Variants in GIMAP2 observed in about 807,000 individuals in gnomAD.
GIMAP2 encodes GTPase IMAP family member 2.
GIMAP2 carries 22 observed loss-of-function variants against 25.5 expected under a neutral mutation model. The ratio of observed to expected loss-of-function variants is 0.86; its 90% CI spans 0.62 to 1.23. The LOEUF (loss-of-function observed/expected upper bound fraction) is 1.23. Among genes scored for constraint, GIMAP2 ranks in the 50% most tolerant of loss-of-function variants. The pLI, the probability that GIMAP2 is intolerant of heterozygous loss-of-function variation, is 0.00. For missense variants in GIMAP2, 422 were observed against 395.7 expected, an observed-to-expected ratio of 1.07 and a Z score of -0.56; for synonymous variants, 167 against 143.0, an observed-to-expected ratio of 1.17 and a Z score of -1.20.
At chr7:150,686,067 G>C (rs77675012) in intron 1 of GIMAP2, among the ~76,000 whole-genome samples, 1 of 152,156 alleles carries the variant, frequency 6.6e-6, no homozygotes, top group African/African-American at 2.4e-5. Context: ...GTGCTTGTAC[G>C]CTTGGTCTAT....
Position 150,692,808 on chromosome 7 carries a change from A to G in GIMAP2, c.522A>G (p.Ala174=), listed in dbSNP as rs779995737. The G allele has an allele frequency of 1.9e-6, 3 of 1,614,236 alleles. No individual in the cohort carries two copies. Among genetic ancestry groups the G allele is most frequent in the South Asian group, 2.2e-5 (2 of 91,092 alleles). ...DNKALSKLVA[A]CGGRICAFNN... is the part of the protein sequence containing the mutation. ...AAGCCCTAAGCAAGCTGGTGGCAGCATGTGGTGGGCGAATCTGTGCCTTTA... is the reference window on the plus strand; with the variant it reads ...AAGCCCTAAGCAAGCTGGTGGCAGCGTGTGGTGGGCGAATCTGTGCCTTTA... The change falls in exon 3 of 3, where the codon GCA becomes GCG. Residue 174 remains alanine (A), a synonymous_variant. Coordinates refer to ENST00000223293, the MANE Select transcript of GIMAP2 (RefSeq NM_015660.3).
intron 2 of GIMAP2, among the ~76,000 whole-genome samples, chr7:150,687,671 C>A (rs1020643331): frequency 6.6e-6 from 1 of 151,884 alleles, no homozygotes; most frequent in Non-Finnish European, 1.5e-5. Context: ...ACTCCTTCTC[C>A]TACCATTCAG....
In GIMAP2 at chr7:150,689,340, G is replaced by A. The variant is rs1023541810; in HGVS notation, c.28+2253G>A. On this transcript the variant is annotated intron_variant, in intron 2 of 2. Transcript: ENST00000223293. ...CCAATATTTATGAGTGGATGATTTA[G>A]AGACCCTCTCACTTGGCTTTGGATG... The A allele has an allele frequency of 5.7e-6, 3 of 523,928 alleles. No individual in the cohort carries two copies. The East Asian group carries it at 8.9e-5, about 15-fold the overall frequency. The allele number at this position is 523,928 out of a possible 1,614,324, so 32.5% of individuals were successfully genotyped here.
In GIMAP2 at chr7:150,693,338, G is replaced by A. The variant is rs534930765; in HGVS notation, c.*38G>A. ...GTTATTATTTACTCACTATCATTTA[G>A]TGGGTGAATCACAGTAATTTCCCTG... On this transcript the variant is annotated 3_prime_UTR_variant, in exon 3 of 3. Coordinates refer to ENST00000223293, the MANE Select transcript of GIMAP2 (RefSeq NM_015660.3). 1 of 1,363,790 alleles carries A rather than the reference G, an allele frequency of 7.3e-7. No homozygotes were observed. Among genetic ancestry groups the A allele is most frequent in the South Asian group, 1.4e-5 (1 of 71,486 alleles). 84.5% of individuals were successfully genotyped at this position (1,363,790 alleles called of 1,614,324 possible).
At chr7:150,687,262 C>CTTTGTTTGTTTGTTTGTTTGTTTG (rs146938233) in intron 2 of GIMAP2, 175 bp downstream of exon 2, 10 of 554,564 alleles carry the variant, frequency 1.8e-5, no homozygotes, top group East Asian at 9.0e-5. Flanking sequence ...GTTTTGTTTT[C>CTTTGTTTGTTTGTTTGTTTGTTTG]TTTGTTTGTT....
At chr7:150,689,684 G>T (rs899305299) in intron 2 of GIMAP2, 4 of 583,212 alleles carry the variant, frequency 6.9e-6, no homozygotes, top group African/African-American at 3.7e-5. Flanking sequence ...AAGATTAAAT[G>T]TCCATAAATT....
chr7:150,686,384 CT>C (rs1796900531), intron 1 of GIMAP2, among the ~76,000 whole-genome samples: 1 of 151,996 alleles, frequency 6.6e-6, no homozygotes, highest in African/African-American at 2.4e-5. Flanking sequence ...AGGACTGAGC[CT>C]AAGGTGTAAG....
At position 150,692,850 on chromosome 7, in the gene GIMAP2, G is replaced by T. The variant is rs1796985149; in HGVS notation, c.564G>T (p.Gly188=). 3 of 1,614,212 alleles carry T rather than the reference G, an allele frequency of 1.9e-6. No individual in the cohort carries two copies. In the Admixed American group the frequency reaches 5.0e-5, roughly 27 times the overall value. ...RICAFNNRAE[G]SNQDDQVKEL... ...GTGCCTTTAATAACCGTGCTGAAGG[G>T]AGCAATCAGGATGACCAAGTGAAGG... Residue 188 remains glycine (G), a synonymous_variant, in exon 3 of 3, where the codon GGG becomes GGT. Coordinates refer to ENST00000223293, the MANE Select transcript of GIMAP2 (RefSeq NM_015660.3).
In GIMAP2 at chr7:150,692,522, C is replaced by T. The variant is rs76850019; in HGVS notation, c.236C>T (p.Pro79Leu). 1,649 of 1,614,000 alleles carry T rather than the reference C, an allele frequency of 1.0e-3. 18 individuals are homozygous for T. The African/African-American group carries it at 0.02, about 19-fold the overall frequency. ...GNREIVIIDT[P>L]DMFSWKDHCE... ...AGAGAGATTGTCATTATTGACACAC[C>T]AGATATGTTTTCTTGGAAGGACCAC... The change falls in exon 3 of 3, where the codon CCA (proline) becomes CTA (leucine). Residue 79 changes from proline to leucine, a missense_variant. Coordinates refer to ENST00000223293, the MANE Select transcript of GIMAP2 (RefSeq NM_015660.3).
In GIMAP2 at chr7:150,693,361, CT is replaced by C; in HGVS notation, c.*62del. ...TAGTGGGTGAATCACAGTAATTTCC[CT>C]GTAAAATGTGGTACCTGAAGTCATA... is the stretch of plus-strand genomic sequence containing the variant. On this transcript the variant is annotated 3_prime_UTR_variant, in exon 3 of 3. Transcript: ENST00000223293. The C allele has an allele frequency of 1.8e-6, 2 of 1,135,158 alleles. No individual in the cohort carries two copies. Among genetic ancestry groups the C allele is most frequent in the Non-Finnish European group, 2.5e-6 (2 of 809,270 alleles). 70.3% of individuals were successfully genotyped at this position (1,135,158 alleles called of 1,614,324 possible). A position where few individuals can be genotyped will look rare whatever the true frequency, so the allele number is the denominator to read the frequency against.
Position 150,693,120 on chromosome 7 carries a change from G to A in GIMAP2, c.834G>A (p.Gln278=), listed in dbSNP as rs930155193. 1.2e-6 allele frequency: 2 copies of A among 1,613,790 alleles called. No individual in the cohort carries two copies. Among genetic ancestry groups the A allele is most frequent in the South Asian group, 1.1e-5 (1 of 91,062 alleles). The change falls in exon 3 of 3, where the codon CAG becomes CAA. Residue 278 remains glutamine (Q), a synonymous_variant. Coordinates refer to ENST00000223293, the MANE Select transcript of GIMAP2 (RefSeq NM_015660.3). ...KTQLCVLFCI[Q]LFLRLIILWL... ...AACTGTGTGTTTTATTTTGTATTCA[G>A]TTGTTTCTCAGATTGATAATTCTGT...
intron 1 of GIMAP2, 32 bp downstream of exon 1, chr7:150,685,817 G>A (rs1796894556): frequency 3.6e-6 from 3 of 828,682 alleles, no homozygotes; most frequent in African/African-American, 1.8e-5. Context: ...GTTCTGCAGT[G>A]TTGATTTCTA....
At chr7:150,689,040 G>A (rs1796936711) in intron 2 of GIMAP2, among the ~76,000 whole-genome samples, 1 of 152,142 alleles carries the variant, frequency 6.6e-6, no homozygotes, top group Admixed American at 6.5e-5. Flanking sequence ...TCTGTCCATG[G>A]GAAACCCCCT....
chr7:150,690,450 G>A (rs1796954805), intron 2 of GIMAP2, among the ~76,000 whole-genome samples: 1 of 152,168 alleles, frequency 6.6e-6, no homozygotes, highest in Admixed American at 6.5e-5. Flanking sequence ...CAAGACCACT[G>A]GTGGGCATTG....
Position 150,692,974 on chromosome 7 carries a change from G to C in GIMAP2, c.688G>C (p.Val230Leu). The change falls in exon 3 of 3, where the codon GTG becomes CTG. Residue 230 changes from valine (V) to leucine (L), a missense_variant. Transcript: ENST00000223293. ...AATACAGAGGTCTAAATGTGGACCT[G>C]TGGGATCAGATGAAAGAGTAAAGGA... ...SLIQRSKCGP[V>L]GSDERVKEFK... The C allele has an allele frequency of 6.2e-7, 1 of 1,613,650 alleles. No individual in the cohort carries two copies.
chr7:150,689,740 A>G, intron 2 of GIMAP2: 1 of 556,540 alleles, frequency 1.8e-6, no homozygotes, highest in Admixed American at 2.9e-5. Context: ...ATGTGCAACA[A>G]GTGTTGGCGT....
chr7:150,692,495 A>G lies in GIMAP2; in HGVS notation c.209A>G (p.Asn70Ser). The change falls in exon 3 of 3, where the codon AAT becomes AGT. Residue 70 changes from asparagine (N) to serine (S), a missense_variant. Coordinates refer to ENST00000223293, the MANE Select transcript of GIMAP2 (RefSeq NM_015660.3). The stretch of plus-strand genomic sequence containing the variant: ...AGCAAAAGTCAGGGAAGCTGGGGAA[A>G]TAGAGAGATTGTCATTATTGACACA... ...TCSKSQGSWG[N>S]REIVIIDTPD... 1 of 1,614,190 alleles carries G rather than the reference A, an allele frequency of 6.2e-7. No homozygotes were observed. The highest frequency in any genetic ancestry group is 8.5e-7 in the Non-Finnish European group (1 of 1,180,006).
chr7:150,689,702 A>G (rs1476602926), intron 2 of GIMAP2: 3 of 586,896 alleles, frequency 5.1e-6, no homozygotes, highest in South Asian at 4.2e-5. Context: ...ATTTTGGCCA[A>G]TTTGTCTGGA....
intron 2 of GIMAP2, among the ~76,000 whole-genome samples, chr7:150,691,904 C>T (rs532487131): frequency 5.3e-5 from 8 of 152,322 alleles, no homozygotes; most frequent in African/African-American, 1.7e-4. Flanking sequence ...TATCTTTTTA[C>T]ATAACGGGGA....
Sources: gnomAD v4.1 joint callset for allele counts (sites outside exome capture counted in the v4.1 genomes callset) on GRCh38, gnomAD v4.1.1 for gene constraint, MANE v1.5 for transcripts, NCBI Gene and HGNC (gene_info 2026-07-23, HGNC 2026-07-21) for gene names.